The following C1orf159 variants were observed in gnomAD, a reference collection of about 807,000 sequenced individuals.
C1orf159 encodes uncharacterized protein C1orf159.
In C1orf159, 19 loss-of-function variants were observed where a neutral mutation model predicts 25.6. That is an observed-to-expected ratio of 0.74 (90% CI 0.52 to 1.09). C1orf159 has a LOEUF of 1.09. C1orf159 is among the 50% of genes least tolerant of loss of function. The probability of loss-of-function intolerance (pLI) is 0.00; values close to 1 mark genes in which losing one functional copy is unlikely to be tolerated. For synonymous variants in C1orf159, 139 were observed against 124.7 expected, an observed-to-expected ratio of 1.12 and a Z score of -0.77; for missense variants, 274 against 290.6, an observed-to-expected ratio of 0.94 and a Z score of 0.42.
chr1:1,105,029 G>A (rs915025375), intron 1 of C1orf159, among the ~76,000 whole-genome samples: 16 of 152,292 alleles, frequency 1.1e-4, no homozygotes, highest in African/African-American at 3.8e-4. Context: ...TTTCAACAAT[G>A]CCCCTTATCG....
chr1:1,101,300 T>C (rs558429680), intron 1 of C1orf159, among the ~76,000 whole-genome samples: 245 of 152,190 alleles, frequency 1.6e-3, no homozygotes, highest in Middle Eastern at 3.4e-3. Context: ...CTGGCCAACA[T>C]AGCAAAACCC....
chr1:1,103,118 C>T (rs969192100), intron 1 of C1orf159, among the ~76,000 whole-genome samples: 28 of 152,208 alleles, frequency 1.8e-4, no homozygotes, highest in African/African-American at 6.5e-4. Context: ...GCTGGGATTA[C>T]AGGCGTGAGC....
chr1:1,107,283 A>T (rs1332661280), intron 1 of C1orf159, among the ~76,000 whole-genome samples: 1 of 152,222 alleles, frequency 6.6e-6, no homozygotes, highest in Non-Finnish European at 1.5e-5. Flanking sequence ...AAATGCACCA[A>T]TCAGCACTCC....
At chr1:1,091,101 G>C (rs1464376149) in intron 3 of C1orf159, 2 of 851,790 alleles carry the variant, frequency 2.3e-6, no homozygotes, top group Admixed American at 5.2e-5. Flanking sequence ...GGACAGTGAG[G>C]GGTCCCCACC....
intron 1 of C1orf159, among the ~76,000 whole-genome samples, chr1:1,099,264 C>G (rs1379984692): frequency 6.8e-6 from 1 of 147,340 alleles, no homozygotes. Context: ...AGGTTAAAAT[C>G]TCCGACTATG....
At position 1,091,496 on chromosome 1, in the gene C1orf159, G is replaced by A. The variant is rs779710101; in HGVS notation, c.48C>T (p.Val16=). 194 of 1,550,164 alleles carry A rather than the reference G, an allele frequency of 1.3e-4. No homozygotes were observed. The highest frequency in any genetic ancestry group is 2.0e-4 in the East Asian group (8 of 40,914). ...CCGTGTTCTCCATGGACTTGCTGGCGACTCCCACGAGAAGGCCAGCCAGGA... is the reference window on the plus strand; with the variant it reads ...CCGTGTTCTCCATGGACTTGCTGGCAACTCCCACGAGAAGGCCAGCCAGGA... ...LALLAGLLVG[V]ASKSMENTAQ... Residue 16 remains valine, a synonymous_variant, in exon 3 of 10, where the codon GTC becomes GTT. Coordinates refer to ENST00000421241, the MANE Select transcript of C1orf159 (RefSeq NM_017891.5).
chr1:1,084,148 G>T lies in C1orf159; in HGVS notation c.502+205C>A, dbSNP rs368545386. The T allele has an allele frequency of 1.6e-5, 25 of 1,547,690 alleles. No homozygotes were observed. The Middle Eastern group carries it at 5.2e-4, about 32-fold the overall frequency. On this transcript the variant is annotated intron_variant, in intron 9 of 9. Coordinates refer to ENST00000421241, the MANE Select transcript of C1orf159 (RefSeq NM_017891.5). ...TAAAGGGGGGCGGGCAGGGGGCGCC[G>T]GCCAAATCCAGCTGAGATCCAGAGC... is the stretch of plus-strand genomic sequence containing the variant.
intron 1 of C1orf159, among the ~76,000 whole-genome samples, chr1:1,114,538 T>G (rs573406438): frequency 1.2e-4 from 19 of 152,236 alleles, no homozygotes; most frequent in Non-Finnish European, 1.9e-4. Context: ...ATGCTGCCTG[T>G]GCACCCCAGG....
chr1:1,111,487 A>T (rs1216178538), intron 1 of C1orf159, among the ~76,000 whole-genome samples: 1 of 152,148 alleles, frequency 6.6e-6, no homozygotes, highest in Non-Finnish European at 1.5e-5. Context: ...GTGAGCCATG[A>T]TCGCACCACT....
At chr1:1,101,487 A>G (rs1646098879) in intron 1 of C1orf159, among the ~76,000 whole-genome samples, 1 of 152,084 alleles carries the variant, frequency 6.6e-6, no homozygotes, top group Admixed American at 6.5e-5. Context: ...TATAAAAAAA[A>G]ATTTTTTTTT....
chr1:1,086,746 G>T (rs929600846), intron 6 of C1orf159, among the ~76,000 whole-genome samples: 6 of 152,212 alleles, frequency 3.9e-5, no homozygotes, highest in Non-Finnish European at 7.3e-5. Flanking sequence ...GTGTGGCCGT[G>T]AGCGTGAACC....
intron 9 of C1orf159, chr1:1,083,228 C>T: frequency 2.1e-6 from 1 of 484,600 alleles, no homozygotes; most frequent in Non-Finnish European, 3.6e-6. Flanking sequence ...ACCCTGGGCC[C>T]CGGGGCCTGG....
chr1:1,096,753 C>A (rs1287508362), intron 1 of C1orf159, among the ~76,000 whole-genome samples: 1 of 152,140 alleles, frequency 6.6e-6, no homozygotes, highest in Admixed American at 6.5e-5. Context: ...GAGACATGGC[C>A]TCACTCTGTC....
chr1:1,084,944 C>A (rs776261309), intron 7 of C1orf159, among the ~76,000 whole-genome samples: 1 of 152,154 alleles, frequency 6.6e-6, no homozygotes, highest in African/African-American at 2.4e-5. Flanking sequence ...ATGGTGCCCC[C>A]GCGATGGGGG....
chr1:1,084,110 A>G, intron 9 of C1orf159: 1 of 1,586,536 alleles, frequency 6.3e-7, no homozygotes, highest in South Asian at 1.1e-5. Context: ...AAGAGCATGG[A>G]AGTCACGGGG....
intron 1 of C1orf159, among the ~76,000 whole-genome samples, chr1:1,108,593 T>C (rs1450659169): frequency 7.9e-6 from 1 of 127,136 alleles, no homozygotes; most frequent in Admixed American, 8.4e-5. Flanking sequence ...ACAGCCACCA[T>C]GTCTCGGCAC....
At chr1:1,109,143 C>G (rs1358788697) in intron 1 of C1orf159, among the ~76,000 whole-genome samples, 1 of 150,376 alleles carries the variant, frequency 6.6e-6, no homozygotes, top group Non-Finnish European at 1.5e-5. Context: ...TGTCCACCCA[C>G]AGATGAATGG....
chr1:1,112,364 C>T (rs1646269262), intron 1 of C1orf159, among the ~76,000 whole-genome samples: 1 of 152,230 alleles, frequency 6.6e-6, no homozygotes, highest in African/African-American at 2.4e-5. Flanking sequence ...TGAGCATGGG[C>T]ACTACTCCAG....
intron 3 of C1orf159, chr1:1,090,909 C>T (rs1228161709): frequency 1.9e-6 from 3 of 1,550,444 alleles, no homozygotes; most frequent in Non-Finnish European, 2.6e-6. Flanking sequence ...TGACCACAGG[C>T]AGACTGGACA....
Sources: gnomAD v4.1 joint callset for allele counts (sites outside exome capture counted in the v4.1 genomes callset) on GRCh38, gnomAD v4.1.1 for gene constraint, MANE v1.5 for transcripts, NCBI Gene and HGNC (gene_info 2026-07-23, HGNC 2026-07-21) for gene names.